The following ZCRB1 variants were observed in gnomAD, a reference collection of about 807,000 sequenced individuals.
ZCRB1 encodes zinc finger CCHC-type and RNA-binding motif-containing protein 1.
Under a neutral mutation model 29.9 loss-of-function variants are expected in ZCRB1, and 21 were observed. The observed-to-expected ratio is 0.70, with a 90% CI of 0.50 to 1.01. The LOEUF is 1.01. ZCRB1 is among the 50% of genes least tolerant of loss of function. The probability of loss-of-function intolerance (pLI) is 0.00; values close to 1 mark genes in which losing one functional copy is unlikely to be tolerated. For missense variants in ZCRB1, 204 were observed against 253.3 expected, an observed-to-expected ratio of 0.81 and a Z score of 1.32; for synonymous variants, 77 against 80.0, an observed-to-expected ratio of 0.96 and a Z score of 0.20.
chr12:42,318,048 T>G (rs951545698), intron 3 of ZCRB1, 150 bp from the exon 4 acceptor site: 3 of 619,580 alleles, frequency 4.8e-6, no homozygotes, highest in African/African-American at 3.7e-5. Context: ...TCAAGGGATA[T>G]CAAGAATGGA....
intron 5 of ZCRB1, 150 bp downstream of exon 5, chr12:42,317,190 A>T (rs1370420876): frequency 3.4e-6 from 2 of 580,496 alleles, no homozygotes; most frequent in Non-Finnish European, 5.8e-6. Flanking sequence ...GACAGAGGAA[A>T]ACCCTATCTC....
intron 5 of ZCRB1, among the ~76,000 whole-genome samples, chr12:42,316,489 C>T (rs970487489): frequency 6.6e-6 from 1 of 151,774 alleles, no homozygotes; most frequent in African/African-American, 2.4e-5. Flanking sequence ...AGACCTTATA[C>T]AAAATTATTC....
At chr12:42,314,039 A>G in intron 5 of ZCRB1, 53 bp from the exon 6 acceptor site, 2 of 1,548,912 alleles carry the variant, frequency 1.3e-6, no homozygotes, top group South Asian at 2.5e-5. Flanking sequence ...GATGTTATTT[A>G]TAAAAACTTG....
At chr12:42,314,553 G>T (rs1383183107) in intron 5 of ZCRB1, among the ~76,000 whole-genome samples, 1 of 150,798 alleles carries the variant, frequency 6.6e-6, no homozygotes, top group Middle Eastern at 3.4e-3. Flanking sequence ...TTGCACTCCA[G>T]CCTGGGTGAC....
At chr12:42,318,568 C>T (rs1461006002) in intron 3 of ZCRB1, among the ~76,000 whole-genome samples, 1 of 152,212 alleles carries the variant, frequency 6.6e-6, no homozygotes, top group Non-Finnish European at 1.5e-5. Flanking sequence ...GCTCTTTCTC[C>T]TGCCCCATCC....
rs2068602604 is a variant in ZCRB1 at position 42,317,897 on chromosome 12, C to A, written c.115G>T (p.Val39Phe). The A allele has an allele frequency of 1.2e-6, 2 of 1,607,566 alleles. No homozygotes were observed. Among genetic ancestry groups the A allele is most frequent in the East Asian group, 2.2e-5 (1 of 44,774 alleles). ...IFSKYGKVVK[V>F]TIMKDKDTRK... is the part of the protein sequence containing the mutation. ...GTATCTTTATCTTTCATGATGGTAA[C>A]CCTTAAAGCATAAACAAAGAGTTAA... The change falls in exon 4 of 8, where the codon GTT becomes TTT. Residue 39 changes from valine to phenylalanine, a missense_variant and splice_region_variant. Coordinates refer to ENST00000266529, the MANE Select transcript of ZCRB1 (RefSeq NM_033114.4).
At chr12:42,314,288 G>A (rs763685071) in intron 5 of ZCRB1, among the ~76,000 whole-genome samples, 24 of 150,978 alleles carry the variant, frequency 1.6e-4, no homozygotes, top group Non-Finnish European at 3.2e-4. Flanking sequence ...GGTCGGGCGC[G>A]GTGGCTCACG....
At chr12:42,321,957 G>T (rs187463796) in intron 3 of ZCRB1, among the ~76,000 whole-genome samples, 2 of 152,106 alleles carry the variant, frequency 1.3e-5, no homozygotes, top group East Asian at 3.9e-4. Flanking sequence ...TCTGAAGGAA[G>T]ATAATATGTT....
intron 1 of ZCRB1, among the ~76,000 whole-genome samples, chr12:42,324,750 G>A (rs11181422): frequency 0.61 from 93,068 of 152,036 alleles, 28,675 homozygotes; most frequent in Admixed American, 0.67. Flanking sequence ...GACGGGTTTT[G>A]AACAGATGAA....
At chr12:42,318,204 C>T (rs2068604159) in intron 3 of ZCRB1, among the ~76,000 whole-genome samples, 1 of 152,134 alleles carries the variant, frequency 6.6e-6, no homozygotes, top group African/African-American at 2.4e-5. Context: ...CTAACTCCCT[C>T]ACCTTGCAAA....
intron 5 of ZCRB1, among the ~76,000 whole-genome samples, chr12:42,316,208 C>T (rs185893285): frequency 6.6e-6 from 1 of 152,292 alleles, no homozygotes; most frequent in East Asian, 1.9e-4. Flanking sequence ...GAGTCTCCTG[C>T]CTCAGCCTTC....
chr12:42,320,855 T>G (rs2068617813), intron 3 of ZCRB1, among the ~76,000 whole-genome samples: 1 of 152,228 alleles, frequency 6.6e-6, no homozygotes, highest in African/African-American at 2.4e-5. Context: ...AAATGATTCC[T>G]GATATTCTTA....
chr12:42,324,121 A>T lies in ZCRB1; in HGVS notation c.-2-17T>A. The stretch of plus-strand genomic sequence containing the variant: ...CACTCATTTCTAAAAGTGAAAACAA[A>T]CTTATCAGCAATCAGTCTAAACCAG... On this transcript the variant is annotated splice_polypyrimidine_tract_variant and intron_variant, in intron 1 of 7. Transcript: ENST00000266529. 1 of 1,605,612 alleles carries T rather than the reference A, an allele frequency of 6.2e-7. No homozygotes were observed. Among genetic ancestry groups the T allele is most frequent in the Non-Finnish European group, 8.5e-7 (1 of 1,172,348 alleles).
intron 5 of ZCRB1, 118 bp from the exon 6 acceptor site, chr12:42,314,104 T>C (rs2068583034): frequency 8.2e-6 from 8 of 978,624 alleles, no homozygotes; most frequent in Non-Finnish European, 1.2e-5. Flanking sequence ...ATTCCCATAC[T>C]GGGACTATAC....
At chr12:42,316,279 T>C (rs1209080299) in intron 5 of ZCRB1, among the ~76,000 whole-genome samples, 2 of 151,990 alleles carry the variant, frequency 1.3e-5, no homozygotes, top group Non-Finnish European at 2.9e-5. Context: ...TTTGTATTTT[T>C]AGTAGAAACT....
At chr12:42,318,026 A>G (rs2068603278) in intron 3 of ZCRB1, 128 bp from the exon 4 acceptor site, 2 of 697,936 alleles carry the variant, frequency 2.9e-6, no homozygotes, top group Non-Finnish European at 4.6e-6. Flanking sequence ...AAAATCAGCT[A>G]TCTCTTCAAA....
At chr12:42,317,084 C>T (rs1003320576) in intron 5 of ZCRB1, among the ~76,000 whole-genome samples, 5 of 152,206 alleles carry the variant, frequency 3.3e-5, no homozygotes, top group Admixed American at 3.3e-4. Flanking sequence ...TGGTGCATGC[C>T]TGTGGTCCCA....
rs1386464337 is a variant in ZCRB1 at position 42,322,417 on chromosome 12, C to G, written c.113+1G>C. The G allele has an allele frequency of 2.7e-6, 4 of 1,472,676 alleles. No individual in the cohort carries two copies. The allele number at this position is 1,472,676 out of a possible 1,614,324, so 91.2% of individuals were successfully genotyped here. A position where few individuals can be genotyped will look rare whatever the true frequency, so the allele number is the denominator to read the frequency against. On this transcript the variant is annotated splice_donor_variant, in intron 3 of 7. Coordinates refer to ENST00000266529, the MANE Select transcript of ZCRB1 (RefSeq NM_033114.4). LOFTEE classifies it high-confidence loss of function. Reference sequence around the variant, plus strand: ...TTACAAAATTTAATGTGAATACTTACTTTACAACTTTGCCATACTTGGAAA... The same window carrying G: ...TTACAAAATTTAATGTGAATACTTAGTTTACAACTTTGCCATACTTGGAAA...
At chr12:42,314,113 A>T in intron 5 of ZCRB1, 127 bp from the exon 6 acceptor site, 4 of 841,254 alleles carry the variant, frequency 4.8e-6, no homozygotes, top group Non-Finnish European at 5.4e-6. Context: ...CTGGGACTAT[A>T]CAGAAGACAT....
Sources: allele counts gnomAD v4.1 joint callset (sites outside exome capture counted in the v4.1 genomes callset), GRCh38; gene constraint gnomAD v4.1.1; transcripts MANE v1.5; gene names NCBI Gene and HGNC (gene_info 2026-07-23, HGNC 2026-07-21).